The following FBXO15 variants were observed in gnomAD, a reference collection of about 807,000 sequenced individuals.
The protein encoded by FBXO15 is F-box protein 15.
Under a neutral mutation model 49.5 loss-of-function variants are expected in FBXO15, and 30 were observed. The ratio of observed to expected loss-of-function variants is 0.61; its 90% CI spans 0.45 to 0.82. FBXO15 has a LOEUF of 0.82. Ranked by LOEUF, FBXO15 falls within the 40% of genes least tolerant of loss-of-function variation. The probability of loss-of-function intolerance (pLI) is 0.00; values close to 1 mark genes in which losing one functional copy is unlikely to be tolerated. For missense variants in FBXO15, 591 were observed against 631.5 expected, an observed-to-expected ratio of 0.94 and a Z score of 0.69; for synonymous variants, 250 against 232.7, an observed-to-expected ratio of 1.07 and a Z score of -0.68.
At chr18:74,094,838 G>A (rs376607522) in intron 8 of FBXO15, among the ~76,000 whole-genome samples, 12 of 152,186 alleles carry the variant, frequency 7.9e-5, no homozygotes, top group Admixed American at 2.6e-4. Context: ...GAAAGTCCTC[G>A]ATAGTGGCTC....
chr18:74,116,791 G>A (rs899785833), intron 8 of FBXO15, among the ~76,000 whole-genome samples: 1 of 152,068 alleles, frequency 6.6e-6, no homozygotes, highest in East Asian at 1.9e-4. Flanking sequence ...CCTCTGTGTG[G>A]CCCATGTCCT....
rs755085302 is a variant in FBXO15 at position 74,130,476 on chromosome 18, T to A, written c.515A>T (p.Asp172Val). The A allele has an allele frequency of 1.9e-6, 3 of 1,614,220 alleles. No individual in the cohort carries two copies. In the South Asian group the frequency reaches 3.3e-5, roughly 18 times the overall value. ...QIASVKAALA[D>V]ILKPVNPYTG... ...GTAAGGGTTGACAGGTTTGAGAATG[T>A]CAGCTAGTGCGGCTTTTACAGATGC... The change falls in exon 4 of 10, where the codon GAC (aspartate) becomes GTC (valine). Residue 172 changes from aspartate (D) to valine (V), a missense_variant. Transcript: ENST00000419743.
At chr18:74,122,031 C>A (rs1010096427) in intron 8 of FBXO15, among the ~76,000 whole-genome samples, 10 of 152,186 alleles carry the variant, frequency 6.6e-5, no homozygotes, top group Non-Finnish European at 1.2e-4. Flanking sequence ...ACATCACAGC[C>A]TGAATTCCCA....
intron 8 of FBXO15, among the ~76,000 whole-genome samples, chr18:74,108,473 A>G (rs1913867602): frequency 6.6e-6 from 1 of 151,778 alleles, no homozygotes; most frequent in Non-Finnish European, 1.5e-5. Flanking sequence ...ACTTAAGGAT[A>G]TTTTAATATA....
intron 8 of FBXO15, among the ~76,000 whole-genome samples, chr18:74,118,626 G>C (rs1914340841): frequency 6.6e-6 from 1 of 152,010 alleles, no homozygotes; most frequent in Non-Finnish European, 1.5e-5. Flanking sequence ...TTTTAAAACT[G>C]AAAGTAATAT....
chr18:74,096,993 G>A (rs1913307311), intron 8 of FBXO15: 1 of 152,224 alleles, frequency 6.6e-6, no homozygotes. Context: ...ACGGGAGAAG[G>A]TCTAGATCAC....
chr18:74,107,985 T>G (rs1913845639), intron 8 of FBXO15, among the ~76,000 whole-genome samples: 1 of 152,106 alleles, frequency 6.6e-6, no homozygotes, highest in Non-Finnish European at 1.5e-5. Context: ...GAAGCGCCTG[T>G]GAAGTTCACA....
chr18:74,129,674 G>C (rs955287490), intron 4 of FBXO15, 60 bp from the exon 5 acceptor site: 20 of 1,394,076 alleles, frequency 1.4e-5, no homozygotes, highest in Non-Finnish European at 2.0e-5. Flanking sequence ...AAATGCTAAA[G>C]GCAATTTCAT....
chr18:74,119,447 T>C (rs1914378664), intron 8 of FBXO15, among the ~76,000 whole-genome samples: 2 of 152,102 alleles, frequency 1.3e-5, no homozygotes, highest in Admixed American at 6.5e-5. Context: ...CTCTTAAACA[T>C]ATAAACTACC....
At chr18:74,107,553 G>A (rs1238542478) in intron 8 of FBXO15, among the ~76,000 whole-genome samples, 1 of 152,086 alleles carries the variant, frequency 6.6e-6, no homozygotes, top group Admixed American at 6.6e-5. Flanking sequence ...ACAGAGACGC[G>A]TAGCTCTATT....
At chr18:74,137,654 C>T (rs1193446276) in intron 2 of FBXO15, among the ~76,000 whole-genome samples, 1 of 152,170 alleles carries the variant, frequency 6.6e-6, no homozygotes, top group African/African-American at 2.4e-5. Flanking sequence ...ACCTGGTACA[C>T]AATGTTTACA....
intron 2 of FBXO15, among the ~76,000 whole-genome samples, chr18:74,138,456 C>A (rs1978860039): frequency 6.6e-6 from 1 of 152,112 alleles, no homozygotes; most frequent in Non-Finnish European, 1.5e-5. Context: ...CACACAGCCT[C>A]TCCTCAATGT....
At chr18:74,112,641 A>G (rs1914078805) in intron 8 of FBXO15, among the ~76,000 whole-genome samples, 1 of 152,204 alleles carries the variant, frequency 6.6e-6, no homozygotes, top group Non-Finnish European at 1.5e-5. Flanking sequence ...TTTCCACATC[A>G]TCCTGGAAGT....
At chr18:74,110,308 A>G (rs540226303) in intron 8 of FBXO15, among the ~76,000 whole-genome samples, 1 of 151,558 alleles carries the variant, frequency 6.6e-6, no homozygotes, top group Admixed American at 6.6e-5. Flanking sequence ...TGCACTAACC[A>G]TGAAGTGGCA....
intron 1 of FBXO15, among the ~76,000 whole-genome samples, chr18:74,140,571 G>A (rs9950100): frequency 0.14 from 16,037 of 116,590 alleles, 1,906 homozygotes; most frequent in African/African-American, 0.35. Flanking sequence ...GAGACAGTGA[G>A]ACCTTGATGG....
chr18:74,147,653 G>A lies in FBXO15; in HGVS notation c.116+17C>T, dbSNP rs114205414. 1,299 of 1,397,072 alleles carry A rather than the reference G, an allele frequency of 9.3e-4. 10 individuals carry two copies. In the African/African-American group the frequency reaches 0.016, roughly 18 times the overall value. The allele number at this position is 1,397,072 out of a possible 1,614,324, so 86.5% of individuals were successfully genotyped here. On this transcript the variant is annotated intron_variant, in intron 1 of 9. Transcript: ENST00000419743. ...GGCTTCCCGCCAGGGGACCCCACCCGCAGGCCCTACAGTCACCTGCACCCA... is the reference window on the plus strand; with the variant it reads ...GGCTTCCCGCCAGGGGACCCCACCCACAGGCCCTACAGTCACCTGCACCCA...
At chr18:74,135,237 G>C (rs546915739) in intron 3 of FBXO15, among the ~76,000 whole-genome samples, 144 of 152,312 alleles carry the variant, frequency 9.5e-4, no homozygotes, top group African/African-American at 3.4e-3. Context: ...ACCTCTAGGA[G>C]AGGACAGTCT....
intron 8 of FBXO15, among the ~76,000 whole-genome samples, chr18:74,100,439 C>T (rs1913466098): frequency 6.6e-6 from 1 of 151,874 alleles, no homozygotes; most frequent in African/African-American, 2.4e-5. Context: ...AGTTCATAGC[C>T]CTAAATCCCT....
intron 8 of FBXO15, among the ~76,000 whole-genome samples, chr18:74,115,751 T>C (rs188015981): frequency 2.6e-4 from 40 of 152,366 alleles, no homozygotes; most frequent in Admixed American, 1.2e-3. Context: ...TAATGTATAA[T>C]TTAAATAGCT....
Sources: allele counts gnomAD v4.1 joint callset (sites outside exome capture counted in the v4.1 genomes callset), GRCh38; gene constraint gnomAD v4.1.1; transcripts MANE v1.5; gene names NCBI Gene and HGNC (gene_info 2026-07-23, HGNC 2026-07-21).